CNTN3: variants seen among roughly 807,000 people sequenced by gnomAD.
The protein encoded by CNTN3 is contactin 3.
Under a neutral mutation model 119.1 loss-of-function variants are expected in CNTN3, and 60 were observed. The observed-to-expected ratio is 0.50, with a 90% CI of 0.41 to 0.62. The LOEUF is 0.62. CNTN3 is among the 20% of genes least tolerant of loss of function. CNTN3 has a pLI of 0.00. For synonymous variants in CNTN3, 450 were observed against 438.7 expected (o/e 1.03, Z -0.32); for missense variants, 1,101 against 1,242.4 (o/e 0.89, Z 1.71).
chr3:74,611,646 T>C (rs972065934), intron 1 of CNTN3, among the ~76,000 whole-genome samples: 1 of 152,214 alleles, frequency 6.6e-6, no homozygotes, highest in Non-Finnish European at 1.5e-5. Context: ...CCAACTATCT[T>C]TGCAACAATG....
At chr3:74,574,322 T>C (rs1575839465) in intron 1 of CNTN3, among the ~76,000 whole-genome samples, 1 of 152,134 alleles carries the variant, frequency 6.6e-6, no homozygotes, top group Non-Finnish European at 1.5e-5. Context: ...CTAATGGGTA[T>C]GGGTTTCTTT....
intron 11 of CNTN3, among the ~76,000 whole-genome samples, chr3:74,356,330 G>C (rs1437608325): frequency 6.6e-6 from 1 of 151,956 alleles, no homozygotes; most frequent in Non-Finnish European, 1.5e-5. Context: ...ACCATGACTG[G>C]CCTCTGTACC....
At chr3:74,547,231 G>T (rs1057077167) in intron 1 of CNTN3, among the ~76,000 whole-genome samples, 3 of 152,134 alleles carry the variant, frequency 2.0e-5, no homozygotes, top group African/African-American at 7.2e-5. Flanking sequence ...ACAGCAACTT[G>T]CTATTCTTAA....
rs148252059 is a variant in CNTN3, at chr3:74,515,689, C to T, written c.55+5369G>A. ...ACACTGTGAATGAAATTCTGATTCACTAAGCCAGTTGGCATGTCAAGGAAA... is the reference window on the plus strand; with the variant it reads ...ACACTGTGAATGAAATTCTGATTCATTAAGCCAGTTGGCATGTCAAGGAAA... On this transcript the variant is annotated intron_variant, in intron 2 of 22. Coordinates refer to ENST00000263665, the MANE Select transcript of CNTN3 (RefSeq NM_020872.3). 2.5e-3 allele frequency among the ~76,000 whole-genome samples: 387 copies of T among 152,156 alleles called. 1 individual carries two copies. The highest frequency in any genetic ancestry group is 4.8e-3 in the Non-Finnish European group (324 of 67,980).
intron 4 of CNTN3, among the ~76,000 whole-genome samples, chr3:74,438,864 T>C (rs1440396999): frequency 2.6e-5 from 4 of 152,156 alleles, no homozygotes; most frequent in African/African-American, 9.7e-5. Context: ...TATTGAAAAA[T>C]ATAAATAAAT....
At chr3:74,510,933 C>G (rs1367421691) in intron 2 of CNTN3, among the ~76,000 whole-genome samples, 1 of 151,972 alleles carries the variant, frequency 6.6e-6, no homozygotes, top group East Asian at 1.9e-4. Flanking sequence ...TCAGATAGAA[C>G]CTGGGCTAGT....
chr3:74,359,825 T>C (rs1370468258), intron 11 of CNTN3, among the ~76,000 whole-genome samples: 1 of 129,566 alleles, frequency 7.7e-6, no homozygotes, highest in Non-Finnish European at 1.6e-5. Context: ...TTCATGTATA[T>C]TATTGAATCA....
At chr3:74,551,751 C>CTTTTT (rs1703993936) in intron 1 of CNTN3, among the ~76,000 whole-genome samples, 1 of 108,930 alleles carries the variant, frequency 9.2e-6, no homozygotes, top group African/African-American at 3.8e-5. Flanking sequence ...TCTTCTTCTT[C>CTTTTT]TTCTTTTTTT....
chr3:74,415,813 G>A (rs1396830565), intron 5 of CNTN3, among the ~76,000 whole-genome samples: 1 of 152,134 alleles, frequency 6.6e-6, no homozygotes, highest in Non-Finnish European at 1.5e-5. Context: ...AGCTTTCTTG[G>A]CTGCCTAATC....
chr3:74,406,786 A>T (rs1359792946), intron 5 of CNTN3, among the ~76,000 whole-genome samples: 2 of 152,092 alleles, frequency 1.3e-5, no homozygotes, highest in East Asian at 1.9e-4. Context: ...ATACAAAGGG[A>T]AATGGCTAAA....
At chr3:74,579,625 A>G (rs1448355414) in intron 1 of CNTN3, among the ~76,000 whole-genome samples, 1 of 152,190 alleles carries the variant, frequency 6.6e-6, no homozygotes, top group Non-Finnish European at 1.5e-5. Context: ...AAACTGATCC[A>G]CAGATATTAG....
intron 4 of CNTN3, among the ~76,000 whole-genome samples, chr3:74,477,643 TAGAC>T (rs1355439935): frequency 1.3e-5 from 2 of 151,938 alleles, no homozygotes; most frequent in Admixed American, 6.6e-5. Context: ...TAAAAAGAGT[TAGAC>T]AGAATAAGAT....
chr3:74,585,825 CA>C (rs1195986502), intron 1 of CNTN3, among the ~76,000 whole-genome samples: 1 of 151,940 alleles, frequency 6.6e-6, no homozygotes. Flanking sequence ...TAAATATAGA[CA>C]AAAAATGGAT....
intron 11 of CNTN3, among the ~76,000 whole-genome samples, chr3:74,345,744 T>C (rs1703674798): frequency 6.6e-6 from 1 of 152,236 alleles, no homozygotes; most frequent in Non-Finnish European, 1.5e-5. Context: ...TATCTCCTTA[T>C]CACATTGTTT....
At chr3:74,384,325 TCTC>T (rs1704694517) in intron 5 of CNTN3, among the ~76,000 whole-genome samples, 1 of 152,164 alleles carries the variant, frequency 6.6e-6, no homozygotes, top group African/African-American at 2.4e-5. Flanking sequence ...AGGAAACAGA[TCTC>T]CTTGTGAAAA....
chr3:74,295,091 C>G (rs763442240), intron 19 of CNTN3, 30 bp downstream of exon 19: 2 of 1,401,002 alleles, frequency 1.4e-6, no homozygotes, highest in South Asian at 1.2e-5. Flanking sequence ...CGGTAACACA[C>G]ATACACAATT....
chr3:74,333,682 G>A (rs1703323851), intron 13 of CNTN3, among the ~76,000 whole-genome samples: 1 of 151,132 alleles, frequency 6.6e-6, no homozygotes, highest in South Asian at 2.1e-4. Flanking sequence ...CACATTCTGA[G>A]GTATTGGACA....
chr3:74,316,777 A>T (rs1270990923), intron 13 of CNTN3, among the ~76,000 whole-genome samples: 3 of 152,014 alleles, frequency 2.0e-5, no homozygotes, highest in Non-Finnish European at 4.4e-5. Context: ...TACAAAAAAA[A>T]ATTAGCTGGC....
intron 13 of CNTN3, among the ~76,000 whole-genome samples, chr3:74,320,212 T>C (rs560319096): frequency 6.6e-6 from 1 of 152,254 alleles, no homozygotes; most frequent in South Asian, 2.1e-4. Context: ...TAAAGACACA[T>C]GCACACGTGT....
Sources: gnomAD v4.1 joint callset for allele counts (sites outside exome capture counted in the v4.1 genomes callset) on GRCh38, gnomAD v4.1.1 for gene constraint, MANE v1.5 for transcripts, NCBI Gene and HGNC (gene_info 2026-07-23, HGNC 2026-07-21) for gene names.